Variants in EPHA6 observed in about 807,000 individuals in gnomAD.
EPHA6 encodes the protein EPH receptor A6.
EPHA6 carries 50 observed loss-of-function variants against 112.0 expected under a neutral mutation model. The ratio of observed to expected loss-of-function variants is 0.45; its 90% CI spans 0.36 to 0.56. EPHA6 has a LOEUF of 0.56. Ranked by LOEUF, EPHA6 falls within the 20% of genes least tolerant of loss-of-function variation. The probability of loss-of-function intolerance (pLI) is 0.00; values close to 1 mark genes in which losing one functional copy is unlikely to be tolerated. For missense variants in EPHA6, 1,280 were observed against 1,417.4 expected, an observed-to-expected ratio of 0.90 and a Z score of 1.56; for synonymous variants, 529 against 490.7, an observed-to-expected ratio of 1.08 and a Z score of -1.03.
At chr3:97,061,069 C>A (rs958004814) in intron 3 of EPHA6, among the ~76,000 whole-genome samples, 2 of 151,718 alleles carry the variant, frequency 1.3e-5, no homozygotes, top group African/African-American at 4.8e-5. Context: ...TAAAGACTTG[C>A]CAAATCTTGG....
chr3:96,890,620 C>T (rs1026639024), intron 2 of EPHA6, among the ~76,000 whole-genome samples: 5 of 151,842 alleles, frequency 3.3e-5, no homozygotes, highest in African/African-American at 1.2e-4. Context: ...ATATTTAGAA[C>T]AGAATGAATT....
chr3:96,938,492 C>A (rs1348419755), intron 2 of EPHA6, among the ~76,000 whole-genome samples: 1 of 152,174 alleles, frequency 6.6e-6, no homozygotes, highest in Non-Finnish European at 1.5e-5. Flanking sequence ...TGCTTGTCAG[C>A]TTAAGGAGAT....
chr3:97,080,375 C>T (rs943363123), intron 3 of EPHA6, among the ~76,000 whole-genome samples: 3 of 151,942 alleles, frequency 2.0e-5, no homozygotes, highest in Admixed American at 2.0e-4. Flanking sequence ...AACTATTTTC[C>T]AAACAAAACT....
chr3:97,148,240 CAGAA>C (rs1035965272), intron 3 of EPHA6, among the ~76,000 whole-genome samples: 9 of 151,954 alleles, frequency 5.9e-5, no homozygotes, highest in Non-Finnish European at 1.0e-4. Flanking sequence ...GAGGCTGAGG[CAGAA>C]AGATTGCTTG....
At chr3:96,984,728 T>A (rs563187487) in intron 2 of EPHA6, among the ~76,000 whole-genome samples, 1 of 152,304 alleles carries the variant, frequency 6.6e-6, no homozygotes, top group South Asian at 2.1e-4. Context: ...ACTGCTTTGT[T>A]TACCTACTCA....
At chr3:97,101,187 A>G (rs1181463069) in intron 3 of EPHA6, among the ~76,000 whole-genome samples, 1 of 152,064 alleles carries the variant, frequency 6.6e-6, no homozygotes, top group Non-Finnish European at 1.5e-5. Flanking sequence ...GGAATAGGGA[A>G]AATGAATCCA....
intron 1 of EPHA6, among the ~76,000 whole-genome samples, chr3:96,834,732 T>C (rs1401198514): frequency 1.3e-5 from 2 of 152,130 alleles, no homozygotes; most frequent in East Asian, 3.9e-4. Flanking sequence ...TTTTTACTCA[T>C]TCAAAGCTGC....
At chr3:97,494,478 A>G (rs757246305) in intron 10 of EPHA6, among the ~76,000 whole-genome samples, 4 of 152,120 alleles carry the variant, frequency 2.6e-5, no homozygotes, top group African/African-American at 4.8e-5. Flanking sequence ...GAACTAGCCA[A>G]TTTACCTTCG....
chr3:97,219,074 C>A (rs1490668810), intron 3 of EPHA6, among the ~76,000 whole-genome samples: 2 of 152,052 alleles, frequency 1.3e-5, no homozygotes, highest in African/African-American at 4.8e-5. Flanking sequence ...AGGTGGGCTC[C>A]CACAGTCTTG....
At chr3:97,018,168 A>T (rs142373396) in intron 3 of EPHA6, among the ~76,000 whole-genome samples, 111 of 151,936 alleles carry the variant, frequency 7.3e-4, no homozygotes, top group African/African-American at 2.6e-3. Flanking sequence ...TGTTAAATTT[A>T]CCTGATAGAA....
intron 10 of EPHA6, among the ~76,000 whole-genome samples, chr3:97,510,843 G>A (rs2092350696): frequency 6.6e-6 from 1 of 152,202 alleles, no homozygotes; most frequent in Non-Finnish European, 1.5e-5. Flanking sequence ...TTATCTATAA[G>A]CCCCTGACTG....
At chr3:97,082,050 T>G (rs1039653168) in intron 3 of EPHA6, among the ~76,000 whole-genome samples, 3 of 151,724 alleles carry the variant, frequency 2.0e-5, no homozygotes, top group Admixed American at 6.6e-5. Context: ...AATTTTTGAT[T>G]GAAAAGTAAA....
intron 13 of EPHA6, among the ~76,000 whole-genome samples, chr3:97,633,866 T>C (rs902948679): frequency 6.6e-6 from 1 of 152,106 alleles, no homozygotes. Flanking sequence ...AATAGATTTG[T>C]GCTATACCTC....
At chr3:96,815,125 C>A (rs1372067484) in intron 1 of EPHA6, 117 bp downstream of exon 1, 3 of 1,020,756 alleles carry the variant, frequency 2.9e-6, no homozygotes, top group East Asian at 2.7e-5. Context: ...TCCTGGCTCG[C>A]CACACGAGGG....
chr3:97,389,020 G>T (rs2086243169), intron 5 of EPHA6, among the ~76,000 whole-genome samples: 1 of 152,106 alleles, frequency 6.6e-6, no homozygotes, highest in South Asian at 2.1e-4. Flanking sequence ...AGCCTGATAG[G>T]TTACTTGTCT....
chr3:97,732,351 G>A (rs1011739519), intron 15 of EPHA6, among the ~76,000 whole-genome samples: 4 of 151,494 alleles, frequency 2.6e-5, no homozygotes, highest in Admixed American at 1.3e-4. Context: ...GCTGGGTTAG[G>A]TACCTCTCCC....
At chr3:97,193,583 C>A (rs1196559743) in intron 3 of EPHA6, among the ~76,000 whole-genome samples, 5 of 150,742 alleles carry the variant, frequency 3.3e-5, no homozygotes, top group African/African-American at 1.2e-4. Flanking sequence ...TATCTGCAAA[C>A]AAGGATAACT....
intron 11 of EPHA6, among the ~76,000 whole-genome samples, chr3:97,541,013 C>T (rs1288513421): frequency 1.3e-5 from 2 of 152,128 alleles, no homozygotes; most frequent in East Asian, 1.9e-4. Context: ...AATCAATCAT[C>T]ACTGAGAAAT....
chr3:97,230,832 A>AC (rs770866884), intron 4 of EPHA6, among the ~76,000 whole-genome samples: 56 of 152,212 alleles, frequency 3.7e-4, no homozygotes, highest in Non-Finnish European at 6.8e-4. Context: ...ATCACAGTAA[A>AC]CCAGGACAGG....
Sources: allele counts gnomAD v4.1 joint callset (sites outside exome capture counted in the v4.1 genomes callset), GRCh38; gene constraint gnomAD v4.1.1; transcripts MANE v1.5; gene names NCBI Gene and HGNC (gene_info 2026-07-23, HGNC 2026-07-21).